TRAPPC9: variants seen among roughly 807,000 people sequenced by gnomAD.
The protein encoded by TRAPPC9 is IKK2 binding protein.
A neutral mutation model predicts 124.0 loss-of-function variants in TRAPPC9; 83 were observed. That is an observed-to-expected ratio of 0.67 (90% confidence interval 0.56 to 0.80). The LOEUF (loss-of-function observed/expected upper bound fraction) is 0.80, where lower values mean the gene tolerates loss of function less well. TRAPPC9 is among the 30% of genes least tolerant of loss of function. TRAPPC9 has a pLI of 0.00. For synonymous variants in TRAPPC9, 638 were observed against 617.5 expected, an observed-to-expected ratio of 1.03 and a Z score of -0.49; for missense variants, 1,302 against 1,508.3, an observed-to-expected ratio of 0.86 and a Z score of 2.27.
chr8:140,356,493 C>T (rs1043985517), intron 9 of TRAPPC9, among the ~76,000 whole-genome samples: 4 of 152,188 alleles, frequency 2.6e-5, no homozygotes, highest in African/African-American at 9.7e-5. Context: ...CCGCAGGGTA[C>T]CCAAAGGGGA....
chr8:139,837,271 AC>A (rs1365648842), intron 21 of TRAPPC9, among the ~76,000 whole-genome samples: 14 of 151,944 alleles, frequency 9.2e-5, no homozygotes, highest in Non-Finnish European at 1.5e-4. Flanking sequence ...ACTCTGTGAC[AC>A]CCTGTCGAGG....
At chr8:140,408,712 A>C (rs1472165297) in intron 5 of TRAPPC9, among the ~76,000 whole-genome samples, 1 of 151,964 alleles carries the variant, frequency 6.6e-6, no homozygotes, top group East Asian at 1.9e-4. Flanking sequence ...GGTGGGATCG[A>C]GTCCTCCAGC....
intron 9 of TRAPPC9, among the ~76,000 whole-genome samples, chr8:140,356,028 A>G (rs527880708): frequency 2.0e-5 from 3 of 152,342 alleles, no homozygotes; most frequent in South Asian, 2.1e-4. Flanking sequence ...TAAAGCATCA[A>G]TGAGAACCCT....
chr8:140,413,617 G>A (rs1277611521), intron 5 of TRAPPC9, among the ~76,000 whole-genome samples: 7 of 145,576 alleles, frequency 4.8e-5, no homozygotes, highest in East Asian at 2.1e-4. Flanking sequence ...CCATTAACTC[G>A]TCATTTAGCA....
chr8:140,180,861 T>A (rs376119539), intron 17 of TRAPPC9, among the ~76,000 whole-genome samples: 1 of 151,900 alleles, frequency 6.6e-6, no homozygotes, highest in African/African-American at 2.4e-5. Flanking sequence ...CTTATGTGAC[T>A]GTGTGTGTGT....
intron 16 of TRAPPC9, among the ~76,000 whole-genome samples, chr8:140,247,199 T>C (rs2064009302): frequency 6.6e-6 from 1 of 152,240 alleles, no homozygotes; most frequent in South Asian, 2.1e-4. Context: ...GCTTCCCTAG[T>C]AGAATCCTCA....
At chr8:140,173,211 G>C (rs2061999326) in intron 17 of TRAPPC9, among the ~76,000 whole-genome samples, 1 of 152,200 alleles carries the variant, frequency 6.6e-6, no homozygotes, top group African/African-American at 2.4e-5. Flanking sequence ...AGAGAACCAA[G>C]ATGGAACAGA....
Position 139,810,451 on chromosome 8 carries a change from G to A in TRAPPC9, c.3055+75428C>T, listed in dbSNP as rs371719351. ...TCACGAGTTGGCTGACATCGTGTTGGGACCTTGAAACTGGCCACTACAGGA... is the reference window on the plus strand; with the variant it reads ...TCACGAGTTGGCTGACATCGTGTTGAGACCTTGAAACTGGCCACTACAGGA... On this transcript the variant is annotated intron_variant, in intron 21 of 22. Coordinates refer to ENST00000438773, the MANE Select transcript of TRAPPC9 (RefSeq NM_001160372.4). 2.2e-4 allele frequency among the ~76,000 whole-genome samples: 33 copies of A among 152,254 alleles called. No individual in the cohort carries two copies. In the South Asian group the frequency reaches 6.6e-3, roughly 31 times the overall value.
At chr8:139,951,002 T>C (rs1377138145) in intron 19 of TRAPPC9, among the ~76,000 whole-genome samples, 1 of 152,086 alleles carries the variant, frequency 6.6e-6, no homozygotes, top group Non-Finnish European at 1.5e-5. Flanking sequence ...ACAGAGTGCC[T>C]CACCTGCTCA....
At chr8:139,861,844 C>T (rs11783687) in intron 21 of TRAPPC9, among the ~76,000 whole-genome samples, 34,767 of 151,892 alleles carry the variant, frequency 0.23, 4,424 homozygotes, top group South Asian at 0.38. Context: ...CTCCATCCCC[C>T]ACAAAAGCAG....
chr8:140,093,938 T>A lies in TRAPPC9; in HGVS notation c.2557-69859A>T, dbSNP rs547753004. Among the ~76,000 whole-genome samples the A allele has an allele frequency of 2.6e-5, 4 of 152,320 alleles. No individual in the cohort carries two copies. The South Asian group carries it at 8.3e-4, about 32-fold the overall frequency. ...CCCCATGGAGTCCACACTGCATCGA[T>A]TATGAAGTCTAACGAAGTTCCCTCC... On this transcript the variant is annotated intron_variant, in intron 17 of 22. Transcript: ENST00000438773.
At chr8:140,001,997 G>T (rs1251273093) in intron 18 of TRAPPC9, among the ~76,000 whole-genome samples, 2 of 152,124 alleles carry the variant, frequency 1.3e-5, no homozygotes, top group Non-Finnish European at 2.9e-5. Flanking sequence ...TCTATGCCCA[G>T]ATGGTTTGCT....
Position 140,397,746 on chromosome 8 carries a change from C to T in TRAPPC9, c.1009-1G>A. On this transcript the variant is annotated splice_acceptor_variant, in intron 6 of 22. Transcript: ENST00000438773. LOFTEE classifies it high-confidence loss of function. ...ACTCAATCACTCCCGCATTCTTATA[C>T]TGCAGGGTGTAAAGGAAATGCCTCA... 6.2e-7 allele frequency: 1 copy of T among 1,614,092 alleles called. No individual in the cohort carries two copies. Among genetic ancestry groups the T allele is most frequent in the Non-Finnish European group, 8.5e-7 (1 of 1,180,002 alleles).
At chr8:140,269,719 A>G (rs759907938) in intron 15 of TRAPPC9, among the ~76,000 whole-genome samples, 6 of 152,196 alleles carry the variant, frequency 3.9e-5, no homozygotes, top group Non-Finnish European at 7.3e-5. Context: ...ACTCTTCTGC[A>G]TGGTTCAGTA....
chr8:139,978,082 T>C (rs1836606771), intron 19 of TRAPPC9, among the ~76,000 whole-genome samples: 1 of 152,174 alleles, frequency 6.6e-6, no homozygotes, highest in Non-Finnish European at 1.5e-5. Flanking sequence ...TTCACCTTGT[T>C]GGCCAGGCTG....
chr8:140,369,004 G>A (rs776467594), intron 8 of TRAPPC9, among the ~76,000 whole-genome samples: 3 of 152,198 alleles, frequency 2.0e-5, no homozygotes, highest in Admixed American at 6.5e-5. Flanking sequence ...GTTCCATGGT[G>A]TGCGTGCCGT....
At chr8:139,793,111 T>C (rs1231352109) in intron 21 of TRAPPC9, among the ~76,000 whole-genome samples, 1 of 152,138 alleles carries the variant, frequency 6.6e-6, no homozygotes, top group Non-Finnish European at 1.5e-5. Context: ...ATCCAGCCTC[T>C]GCCACTTACT....
chr8:139,861,177 A>C (rs1034080277), intron 21 of TRAPPC9, among the ~76,000 whole-genome samples: 7 of 152,258 alleles, frequency 4.6e-5, no homozygotes, highest in Admixed American at 1.3e-4. Context: ...CTTTCTGCAG[A>C]AAGGGTGCTC....
Position 140,349,350 on chromosome 8 carries a change from G to GAAGGAGGCA in TRAPPC9, c.1495+10699_1495+10700insTGCCTCCTT, listed in dbSNP as rs1563964549. Among the ~76,000 whole-genome samples, 43 of 101,406 alleles carry GAAGGAGGCA rather than the reference G, an allele frequency of 4.2e-4. 5 individuals are homozygous for GAAGGAGGCA. Among genetic ancestry groups the GAAGGAGGCA allele is most frequent in the African/African-American group, 9.2e-4 (24 of 26,074 alleles). 66.5% of individuals were successfully genotyped at this position (101,406 alleles called of 152,430 possible). On this transcript the variant is annotated intron_variant, in intron 9 of 22. Transcript: ENST00000438773. ...GGCACACAAGGGGGCCGAAGGGGGC[G>GAAGGAGGCA]CGCGAGGGAAGGGCGCGCGAGGGAA...
Sources: allele counts gnomAD v4.1 joint callset (sites outside exome capture counted in the v4.1 genomes callset), GRCh38; gene constraint gnomAD v4.1.1; transcripts MANE v1.5; gene names NCBI Gene and HGNC (gene_info 2026-07-23, HGNC 2026-07-21).